Variants in LIN28B observed in about 807,000 individuals in gnomAD.
LIN28B encodes lin-28 RNA binding posttranscriptional regulator B, also known as protein lin-28 homolog B.
LIN28B carries 5 observed loss-of-function variants against 21.9 expected under a neutral mutation model. The observed-to-expected ratio is 0.23, with a 90% CI of 0.12 to 0.48. LIN28B has a LOEUF of 0.48. Among genes scored for constraint, LIN28B ranks in the 20% least tolerant of loss-of-function variants. The pLI, the probability that LIN28B is intolerant of heterozygous loss-of-function variation, is 0.98. For synonymous variants in LIN28B, 109 were observed against 111.3 expected, an observed-to-expected ratio of 0.98 and a Z score of 0.13; for missense variants, 245 against 310.5, an observed-to-expected ratio of 0.79 and a Z score of 1.58.
chr6:105,047,837 A>T (rs1452447466), intron 3 of LIN28B, among the ~76,000 whole-genome samples: 1 of 152,174 alleles, frequency 6.6e-6, no homozygotes, highest in Non-Finnish European at 1.5e-5. Flanking sequence ...ATTGGTGTAT[A>T]AGAATGCTTG....
chr6:105,050,768 C>T lies in LIN28B; in HGVS notation c.383+24286C>T, dbSNP rs544260478. On this transcript the variant is annotated intron_variant, in intron 3 of 3. Transcript: ENST00000345080. Reference sequence around the variant, plus strand: ...ACTGTATATTTTTGTATTATCAGGACAATGGCCTCATAAATTTTCTTAAAA... The same window carrying T: ...ACTGTATATTTTTGTATTATCAGGATAATGGCCTCATAAATTTTCTTAAAA... Among the ~76,000 whole-genome samples the T allele has an allele frequency of 2.1e-3, 322 of 151,382 alleles. 12 individuals carry two copies. The highest frequency in any genetic ancestry group is 7.6e-3 in the African/African-American group (313 of 40,932).
intron 2 of LIN28B, among the ~76,000 whole-genome samples, chr6:105,010,950 T>C (rs1424281221): frequency 6.6e-6 from 1 of 152,194 alleles, no homozygotes; most frequent in African/African-American, 2.4e-5. Flanking sequence ...TTCAAATAAA[T>C]GGAATTACAG....
chr6:105,027,882 T>G (rs1022771991), intron 3 of LIN28B, among the ~76,000 whole-genome samples: 1 of 152,210 alleles, frequency 6.6e-6, no homozygotes, highest in Non-Finnish European at 1.5e-5. Flanking sequence ...TTGTTGCCTA[T>G]TTCATATTTT....
intron 2 of LIN28B, among the ~76,000 whole-genome samples, chr6:105,007,027 C>T (rs1253975472): frequency 6.6e-6 from 1 of 152,120 alleles, no homozygotes; most frequent in Non-Finnish European, 1.5e-5. Flanking sequence ...ATGCTCTTGC[C>T]ATTTTAATGG....
At chr6:105,064,528 A>G (rs1377222831) in intron 3 of LIN28B, among the ~76,000 whole-genome samples, 2 of 152,242 alleles carry the variant, frequency 1.3e-5, no homozygotes, top group African/African-American at 2.4e-5. Context: ...TTTCCACTGA[A>G]GCACAGCTTT....
Position 105,081,501 on chromosome 6 carries a change from A to G in LIN28B, c.*2718A>G, listed in dbSNP as rs1772541138. 6.6e-6 allele frequency: 1 copy of G among 152,608 alleles called. No individual in the cohort carries two copies. Among genetic ancestry groups the G allele is most frequent in the Non-Finnish European group, 1.5e-5 (1 of 68,038 alleles). 9.5% of individuals were successfully genotyped at this position (152,608 alleles called of 1,614,324 possible). A position where few individuals can be genotyped will look rare whatever the true frequency, so the allele number is the denominator to read the frequency against. On this transcript the variant is annotated 3_prime_UTR_variant, in exon 4 of 4. Transcript: ENST00000345080. ...GTTCCAGCCTTACAGGTGGCTGATA[A>G]TTCTCTGGTACAGAACCTTTTTATC...
intron 2 of LIN28B, among the ~76,000 whole-genome samples, chr6:104,990,695 G>T (rs1361063219): frequency 6.6e-6 from 1 of 152,028 alleles, no homozygotes; most frequent in Non-Finnish European, 1.5e-5. Context: ...GTTTTCCTAG[G>T]CAGAGGACCC....
At chr6:105,041,467 A>G (rs1044769505) in intron 3 of LIN28B, among the ~76,000 whole-genome samples, 1 of 152,138 alleles carries the variant, frequency 6.6e-6, no homozygotes, top group Non-Finnish European at 1.5e-5. Context: ...TTCAGACCAT[A>G]AATATTCTTT....
At chr6:105,036,808 A>T (rs1771530724) in intron 3 of LIN28B, among the ~76,000 whole-genome samples, 2 of 152,214 alleles carry the variant, frequency 1.3e-5, no homozygotes, top group Non-Finnish European at 2.9e-5. Flanking sequence ...TTTAAGAAGT[A>T]ACTTAGCTTT....
At chr6:104,980,721 G>A (rs557411483) in intron 2 of LIN28B, among the ~76,000 whole-genome samples, 1 of 152,024 alleles carries the variant, frequency 6.6e-6, no homozygotes, top group East Asian at 1.9e-4. Context: ...CATATTTATT[G>A]GTGGTCACTC....
intron 3 of LIN28B, among the ~76,000 whole-genome samples, chr6:105,028,161 T>C (rs1032170703): frequency 1.3e-5 from 2 of 152,234 alleles, no homozygotes; most frequent in Non-Finnish European, 2.9e-5. Flanking sequence ...TAGAATGCTT[T>C]ACATTCCAAT....
intron 2 of LIN28B, among the ~76,000 whole-genome samples, chr6:105,025,807 C>CTT (rs530956563): frequency 6.9e-6 from 1 of 145,416 alleles, no homozygotes; most frequent in Non-Finnish European, 1.5e-5. Flanking sequence ...TTCTTTAACT[C>CTT]TTTTTTTTTT....
At chr6:104,949,926 A>T (rs927053878) in intron 2 of LIN28B, among the ~76,000 whole-genome samples, 3 of 152,216 alleles carry the variant, frequency 2.0e-5, no homozygotes, top group African/African-American at 7.2e-5. Flanking sequence ...ATTTAAAAAT[A>T]TACTTAATGA....
chr6:105,061,053 A>G (rs1772113910), intron 3 of LIN28B, among the ~76,000 whole-genome samples: 1 of 152,238 alleles, frequency 6.6e-6, no homozygotes, highest in Non-Finnish European at 1.5e-5. Context: ...TCTGAAAACC[A>G]GATGAAAGAA....
intron 2 of LIN28B, among the ~76,000 whole-genome samples, chr6:105,020,597 G>C (rs1771119121): frequency 6.6e-6 from 1 of 151,778 alleles, no homozygotes; most frequent in Non-Finnish European, 1.5e-5. Flanking sequence ...GGGATTACAG[G>C]CATGAACCAC....
chr6:104,946,895 GA>G (rs1778162612), intron 2 of LIN28B, among the ~76,000 whole-genome samples: 1 of 152,060 alleles, frequency 6.6e-6, no homozygotes, highest in African/African-American at 2.4e-5. Context: ...TTAAAATGTT[GA>G]AAAATTCTGG....
intron 2 of LIN28B, among the ~76,000 whole-genome samples, chr6:104,961,450 GAGTGC>G (rs1769737453): frequency 6.6e-6 from 1 of 152,038 alleles, no homozygotes; most frequent in African/African-American, 2.4e-5. Flanking sequence ...ACCCGGGCTG[GAGTGC>G]AGTGGTGAGA....
At chr6:104,964,405 A>C (rs1236704359) in intron 2 of LIN28B, among the ~76,000 whole-genome samples, 1 of 152,200 alleles carries the variant, frequency 6.6e-6, no homozygotes, top group East Asian at 1.9e-4. Context: ...TAAACTGGAA[A>C]GTTATCTTAA....
intron 2 of LIN28B, among the ~76,000 whole-genome samples, chr6:105,004,976 G>A (rs1032062309): frequency 1.3e-5 from 2 of 151,966 alleles, no homozygotes; most frequent in Admixed American, 6.6e-5. Flanking sequence ...TTTAGATCAC[G>A]TGTCTTCATC....
Sources: gnomAD v4.1 joint callset for allele counts (sites outside exome capture counted in the v4.1 genomes callset) on GRCh38, gnomAD v4.1.1 for gene constraint, MANE v1.5 for transcripts, NCBI Gene and HGNC (gene_info 2026-07-23, HGNC 2026-07-21) for gene names.